AGBL1: variants seen among roughly 807,000 people sequenced by gnomAD.
The protein encoded by AGBL1 is AGBL carboxypeptidase 1, also known as cytosolic carboxypeptidase 4.
In AGBL1, 130 loss-of-function variants were observed where a neutral mutation model predicts 118.9. The observed-to-expected ratio is 1.09, with a 90% confidence interval of 0.95 to 1.26. The LOEUF (loss-of-function observed/expected upper bound fraction) is 1.26. Ranked by LOEUF, AGBL1 falls within the 50% of genes most tolerant of loss-of-function variation. The pLI is 0.00. For synonymous variants in AGBL1, 555 were observed against 478.9 expected, an observed-to-expected ratio of 1.16 and a Z score of -2.08; for missense variants, 1,584 against 1,298.1, an observed-to-expected ratio of 1.22 and a Z score of -3.38.
chr15:86,227,302 A>G (rs922534667), intron 6 of AGBL1, among the ~76,000 whole-genome samples: 1 of 152,262 alleles, frequency 6.6e-6, no homozygotes, highest in African/African-American at 2.4e-5. Context: ...AATTCTGCTG[A>G]GCTGTCTATA....
chr15:86,256,728 T>C, intron 7 of AGBL1, 125 bp from the exon 8 acceptor site: 1 of 922,096 alleles, frequency 1.1e-6, no homozygotes, highest in Non-Finnish European at 1.6e-6. Context: ...ATGCGTATAA[T>C]TCATTAGCTG....
At chr15:86,226,480 A>G (rs540615238) in intron 6 of AGBL1, among the ~76,000 whole-genome samples, 4 of 152,306 alleles carry the variant, frequency 2.6e-5, no homozygotes, top group South Asian at 2.1e-4. Flanking sequence ...CTTACTTTCT[A>G]CATACACACT....
intron 23 of AGBL1, among the ~76,000 whole-genome samples, chr15:86,922,495 T>C (rs2080491131): frequency 6.6e-6 from 1 of 152,194 alleles, no homozygotes; most frequent in Non-Finnish European, 1.5e-5. Flanking sequence ...TTTCACCCTG[T>C]TGGCCAGGCT....
intron 5 of AGBL1, among the ~76,000 whole-genome samples, chr15:86,221,296 G>C (rs899634275): frequency 2.0e-5 from 3 of 152,148 alleles, no homozygotes; most frequent in Admixed American, 2.0e-4. Context: ...CCAGCAGAAG[G>C]CAGTCTTGCA....
At chr15:86,133,200 C>T (rs909906566) in intron 1 of AGBL1, among the ~76,000 whole-genome samples, 2 of 152,168 alleles carry the variant, frequency 1.3e-5, no homozygotes, top group African/African-American at 4.8e-5. Context: ...CCCTGTCTCC[C>T]TCTACCTCTC....
rs566649650 is a variant in AGBL1 at position 86,674,269 on chromosome 15, G to A, written c.2995-4G>A. On this transcript the variant is annotated splice_region_variant and splice_polypyrimidine_tract_variant and intron_variant, in intron 21 of 22. Coordinates refer to ENST00000614907, the MANE Select transcript of AGBL1 (RefSeq NM_001386094.1). ...CCACAGTTAATGCTTTGTTTAACTG[G>A]CAGGGTCTACAGTTTGGTACCAGAG... 3.1e-5 allele frequency: 50 copies of A among 1,605,780 alleles called. No homozygotes were observed. Among genetic ancestry groups the A allele is most frequent in the Non-Finnish European group, 3.1e-5 (37 of 1,174,742 alleles).
At chr15:86,301,693 T>TGTGTGTGA (rs1357849970) in intron 17 of AGBL1, among the ~76,000 whole-genome samples, 2 of 139,298 alleles carry the variant, frequency 1.4e-5, no homozygotes, top group African/African-American at 5.2e-5. Flanking sequence ...TGTGTGTGTG[T>TGTGTGTGA]GATGTCAAAC....
chr15:86,804,866 C>G (rs1165484689), intron 22 of AGBL1, among the ~76,000 whole-genome samples: 3 of 152,016 alleles, frequency 2.0e-5, no homozygotes, highest in African/African-American at 7.3e-5. Context: ...TCACTTTCCA[C>G]AAAGAAAAGA....
intron 22 of AGBL1, among the ~76,000 whole-genome samples, chr15:86,904,379 G>A (rs2080253147): frequency 6.6e-6 from 1 of 150,606 alleles, no homozygotes; most frequent in Non-Finnish European, 1.5e-5. Flanking sequence ...AATATTGAAG[G>A]AAATTAGGAA....
intron 24 of AGBL1, among the ~76,000 whole-genome samples, chr15:86,991,212 C>A (rs2347462): frequency 6.6e-6 from 1 of 151,910 alleles, no homozygotes; most frequent in South Asian, 2.1e-4. Flanking sequence ...ATACAAAAGT[C>A]TTTTTCTTTT....
chr15:86,947,137 G>T (rs2080834542), intron 23 of AGBL1, among the ~76,000 whole-genome samples: 1 of 152,150 alleles, frequency 6.6e-6, no homozygotes, highest in Admixed American at 6.5e-5. Context: ...GAGAAGGGTG[G>T]TGGGAATTCT....
At chr15:86,963,203 G>A (rs766199900) in intron 23 of AGBL1, among the ~76,000 whole-genome samples, 4 of 151,896 alleles carry the variant, frequency 2.6e-5, no homozygotes, top group Admixed American at 6.6e-5. Flanking sequence ...CACAACTCTC[G>A]CTTGATTAAC....
intron 22 of AGBL1, among the ~76,000 whole-genome samples, chr15:86,701,919 A>T (rs1410676602): frequency 1.2e-5 from 1 of 84,866 alleles, no homozygotes; most frequent in Non-Finnish European, 2.5e-5. Context: ...CCCATCCACT[A>T]CCCTTCCTTC....
intron 22 of AGBL1, among the ~76,000 whole-genome samples, chr15:86,741,026 T>A (rs1312694464): frequency 6.6e-6 from 1 of 152,050 alleles, no homozygotes; most frequent in East Asian, 1.9e-4. Context: ...TTATTTTGCC[T>A]GGGAGCACAC....
intron 6 of AGBL1, among the ~76,000 whole-genome samples, chr15:86,232,310 A>G (rs999918277): frequency 5.9e-5 from 9 of 152,214 alleles, no homozygotes; most frequent in African/African-American, 1.9e-4. Context: ...AGCCGCAGAC[A>G]GTAAAGCATA....
intron 22 of AGBL1, among the ~76,000 whole-genome samples, chr15:86,829,708 G>C (rs1361232892): frequency 6.6e-6 from 1 of 152,184 alleles, no homozygotes; most frequent in Admixed American, 6.5e-5. Context: ...GAGACCAGCA[G>C]ATTTGAGGGA....
chr15:86,477,802 T>A (rs1157015174), intron 18 of AGBL1, among the ~76,000 whole-genome samples: 1 of 152,048 alleles, frequency 6.6e-6, no homozygotes, highest in Admixed American at 6.6e-5. Context: ...TAGATCAATA[T>A]CCCTGATGAA....
At chr15:86,573,601 C>T (rs1375541847) in intron 21 of AGBL1, among the ~76,000 whole-genome samples, 2 of 152,180 alleles carry the variant, frequency 1.3e-5, no homozygotes, top group Admixed American at 6.5e-5. Context: ...CTCCTCCTTT[C>T]GTATTCTAAT....
Position 86,342,567 on chromosome 15 carries a change from A to G in AGBL1, c.2374+47159A>G, listed in dbSNP as rs149497405. 2.5e-3 allele frequency among the ~76,000 whole-genome samples: 383 copies of G among 152,304 alleles called. 2 individuals carry two copies. The highest frequency in any genetic ancestry group is 8.8e-3 in the African/African-American group (366 of 41,556). On this transcript the variant is annotated intron_variant, in intron 17 of 22. Transcript: ENST00000614907. ...CCTGCTGTTTATTAGGTACCTTACT[A>G]AGCATTGTACAGATTTCAAAAATTA...
Sources: allele counts gnomAD v4.1 joint callset (sites outside exome capture counted in the v4.1 genomes callset), GRCh38; gene constraint gnomAD v4.1.1; transcripts MANE v1.5; gene names NCBI Gene and HGNC (gene_info 2026-07-23, HGNC 2026-07-21).